The following ARHGAP24 variants were observed in gnomAD, a reference collection of about 807,000 sequenced individuals.
The protein encoded by ARHGAP24 is Rho GTPase activating protein 24.
In ARHGAP24, 50 loss-of-function variants were observed where a neutral mutation model predicts 76.4. The observed-to-expected ratio is 0.65, with a 90% CI of 0.52 to 0.83. ARHGAP24 has a LOEUF of 0.83. ARHGAP24 is among the 40% of genes least tolerant of loss of function. ARHGAP24 has a pLI of 0.00. For missense variants in ARHGAP24, 930 were observed against 914.2 expected (o/e 1.02, Z -0.22); for synonymous variants, 345 against 323.3 (o/e 1.07, Z -0.72).
rs571961427 is a variant in ARHGAP24 at position 85,889,980 on chromosome 4, T to G, written c.269-33668T>G. ...TCCTTCTATACCTAAATCCATGATC[T>G]GAAAAAGGAGTTACAATTTTCATTT... On this transcript the variant is annotated intron_variant, in intron 3 of 9. Transcript: ENST00000395184. 6.6e-5 allele frequency among the ~76,000 whole-genome samples: 10 copies of G among 152,216 alleles called. No homozygotes were observed. In the East Asian group the frequency reaches 1.9e-3, roughly 29 times the overall value.
rs62315338 is a variant in ARHGAP24 at position 85,755,626 on chromosome 4, G to T, written c.268+33654G>T. Reference sequence around the variant, plus strand: ...TTCTATGGGAAGCTTCTATTCTTTTGTTTTGTTTTGTTTTGTTTTGTTTTG... The same window carrying T: ...TTCTATGGGAAGCTTCTATTCTTTTTTTTTGTTTTGTTTTGTTTTGTTTTG... On this transcript the variant is annotated intron_variant, in intron 3 of 9. Coordinates refer to ENST00000395184, the MANE Select transcript of ARHGAP24 (RefSeq NM_001025616.3). 1.6e-3 allele frequency among the ~76,000 whole-genome samples: 186 copies of T among 117,248 alleles called. 4 individuals carry two copies. The highest frequency in any genetic ancestry group is 2.3e-3 in the Non-Finnish European group (128 of 56,048). The allele number at this position is 117,248 out of a possible 152,430, so 76.9% of individuals were successfully genotyped here.
intron 9 of ARHGAP24, among the ~76,000 whole-genome samples, chr4:85,998,771 T>C (rs1413211824): frequency 1.3e-5 from 2 of 152,172 alleles, no homozygotes; most frequent in African/African-American, 4.8e-5. Flanking sequence ...TAGTCTCTTC[T>C]TCATAAAAAC....
At chr4:85,707,950 C>T (rs1724381474) in intron 2 of ARHGAP24, among the ~76,000 whole-genome samples, 1 of 152,052 alleles carries the variant, frequency 6.6e-6, no homozygotes, top group Non-Finnish European at 1.5e-5. Flanking sequence ...CCGATCTCCA[C>T]CTGCCTGTCA....
At chr4:85,782,159 T>A (rs1727597191) in intron 3 of ARHGAP24, among the ~76,000 whole-genome samples, 1 of 152,146 alleles carries the variant, frequency 6.6e-6, no homozygotes, top group Non-Finnish European at 1.5e-5. Context: ...TTATTCCAAT[T>A]GAAACACCGC....
intron 1 of ARHGAP24, among the ~76,000 whole-genome samples, chr4:85,487,188 T>A (rs1012256103): frequency 5.4e-4 from 74 of 137,008 alleles, no homozygotes; most frequent in African/African-American, 2.0e-3. Context: ...TTTATATATA[T>A]AAAAATATAT....
At chr4:85,975,215 T>G (rs1560758649) in intron 7 of ARHGAP24, among the ~76,000 whole-genome samples, 2 of 152,180 alleles carry the variant, frequency 1.3e-5, no homozygotes, top group East Asian at 3.8e-4. Context: ...TTCAATCAAG[T>G]TTTTTGTACT....
chr4:85,706,062 A>T (rs1019268708), intron 2 of ARHGAP24, among the ~76,000 whole-genome samples: 2 of 152,334 alleles, frequency 1.3e-5, no homozygotes, highest in Non-Finnish European at 1.5e-5. Flanking sequence ...TCAGCTGGGT[A>T]TGAAGTAGAA....
chr4:85,639,985 T>A (rs1721466990), intron 2 of ARHGAP24, among the ~76,000 whole-genome samples: 1 of 152,190 alleles, frequency 6.6e-6, no homozygotes, highest in Non-Finnish European at 1.5e-5. Context: ...TGCTTTGATA[T>A]TAAGGGCCTT....
chr4:85,908,343 G>T (rs573425684), intron 3 of ARHGAP24, among the ~76,000 whole-genome samples: 4 of 152,204 alleles, frequency 2.6e-5, no homozygotes, highest in Admixed American at 6.5e-5. Context: ...AAGATCACAA[G>T]GTCCTGGTGG....
intron 2 of ARHGAP24, among the ~76,000 whole-genome samples, chr4:85,703,620 C>T (rs1724186154): frequency 6.6e-6 from 1 of 152,090 alleles, no homozygotes; most frequent in Middle Eastern, 3.2e-3. Flanking sequence ...ACAGCAAAAA[C>T]ACTGACATCT....
At chr4:85,508,944 G>T (rs1724168343) in intron 1 of ARHGAP24, among the ~76,000 whole-genome samples, 1 of 151,926 alleles carries the variant, frequency 6.6e-6, no homozygotes, top group African/African-American at 2.4e-5. Flanking sequence ...TGCTTATCAG[G>T]TCTGGCTCCT....
chr4:85,850,173 T>A (rs1468021338), intron 3 of ARHGAP24, among the ~76,000 whole-genome samples: 3 of 152,208 alleles, frequency 2.0e-5, no homozygotes, highest in Admixed American at 1.3e-4. Flanking sequence ...TGGTTTAGAC[T>A]TGGGAGGGTG....
intron 4 of ARHGAP24, among the ~76,000 whole-genome samples, chr4:85,939,636 A>G (rs1736842069): frequency 1.3e-5 from 2 of 152,222 alleles, no homozygotes; most frequent in African/African-American, 2.4e-5. Context: ...ACAAGAAAGT[A>G]AAAAGGAAAC....
chr4:85,728,441 TATCTATTTTATCTATGTAC>T (rs1725257371), intron 3 of ARHGAP24, among the ~76,000 whole-genome samples: 3 of 152,298 alleles, frequency 2.0e-5, no homozygotes, highest in Admixed American at 2.0e-4. Flanking sequence ...CCTATGCATT[TATCTATTTTATCTATGTAC>T]ATGTGTGCAT....
At chr4:85,566,853 A>C (rs1454027648) in intron 1 of ARHGAP24, among the ~76,000 whole-genome samples, 1 of 152,234 alleles carries the variant, frequency 6.6e-6, no homozygotes, top group Non-Finnish European at 1.5e-5. Flanking sequence ...TGATTAGTGA[A>C]GGTTTTTGGA....
At chr4:85,790,070 C>T (rs558927126) in intron 3 of ARHGAP24, among the ~76,000 whole-genome samples, 1 of 152,052 alleles carries the variant, frequency 6.6e-6, no homozygotes, top group Admixed American at 6.5e-5. Flanking sequence ...ATTTCTAGGC[C>T]CTATGCCCAA....
At chr4:85,679,031 A>C (rs1476106769) in intron 2 of ARHGAP24, among the ~76,000 whole-genome samples, 2 of 152,164 alleles carry the variant, frequency 1.3e-5, no homozygotes, top group African/African-American at 2.4e-5. Context: ...AAATATAAGA[A>C]CTCAAAGAAA....
chr4:85,807,540 T>G (rs1728842005), intron 3 of ARHGAP24, among the ~76,000 whole-genome samples: 1 of 152,162 alleles, frequency 6.6e-6, no homozygotes, highest in Non-Finnish European at 1.5e-5. Flanking sequence ...TTATTGTCTT[T>G]CCTTGCCTTA....
rs72972063 is a variant in ARHGAP24 at position 85,912,234 on chromosome 4, A to T, written c.269-11414A>T. 5.6e-3 allele frequency among the ~76,000 whole-genome samples: 855 copies of T among 152,286 alleles called. 7 individuals are homozygous for T. The highest frequency in any genetic ancestry group is 0.018 in the African/African-American group (729 of 41,570). ...TATTTTTCTCCATATTAGATTTTTG[A>T]AACATTATACAAATGATGTATGTTC... On this transcript the variant is annotated intron_variant, in intron 3 of 9. Transcript: ENST00000395184.
Sources: gnomAD v4.1 joint callset for allele counts (sites outside exome capture counted in the v4.1 genomes callset) on GRCh38, gnomAD v4.1.1 for gene constraint, MANE v1.5 for transcripts, NCBI Gene and HGNC (gene_info 2026-07-23, HGNC 2026-07-21) for gene names.